The following ERBB2 variants were observed in gnomAD, a reference collection of about 807,000 sequenced individuals.
ERBB2 encodes erb-b2 receptor tyrosine kinase 2, also known as receptor tyrosine-protein kinase erbB-2.
Under a neutral mutation model 149.0 loss-of-function variants are expected in ERBB2, and 61 were observed. The observed-to-expected ratio is 0.41, with a 90% CI of 0.33 to 0.51. The LOEUF is 0.51. Ranked by LOEUF, ERBB2 falls within the 20% of genes least tolerant of loss-of-function variation. The pLI, the probability that ERBB2 is intolerant of heterozygous loss-of-function variation, is 0.25. For synonymous variants in ERBB2, 633 were observed against 678.8 expected (o/e 0.93, Z 1.05); for missense variants, 1,205 against 1,655.1 (o/e 0.73, Z 4.72).
rs562941556 is a variant in ERBB2 at position 39,718,225 on chromosome 17, C to A, written c.1898+745C>A. Among the ~76,000 whole-genome samples the A allele has an allele frequency of 9.3e-4, 142 of 152,300 alleles. No individual in the cohort carries two copies. In the Middle Eastern group the frequency reaches 0.01, roughly 11 times the overall value. ...TTCCATGTTCTAACATGGTGATCTACCTTATTCTTTTAATTTTTCTTATTT... is the reference window on the plus strand; with the variant it reads ...TTCCATGTTCTAACATGGTGATCTAACTTATTCTTTTAATTTTTCTTATTT... On this transcript the variant is annotated intron_variant, in intron 15 of 26. Transcript: ENST00000269571.
intron 5 of ERBB2, 47 bp downstream of exon 5, chr17:39,709,928 C>A: frequency 7.1e-7 from 1 of 1,413,642 alleles, no homozygotes. Context: ...GGGCTGGGGC[C>A]GGGTGGAATG....
upstream of ERBB2, among the ~76,000 whole-genome samples, chr17:39,698,600 C>T (rs2057929666): frequency 1.4e-5 from 2 of 146,830 alleles, no homozygotes; most frequent in South Asian, 4.7e-4. Context: ...TCCCAGAGGC[C>T]CCTGTTTCTC....
chr17:39,715,792 C>T lies in ERBB2; in HGVS notation c.1366C>T (p.Arg456Cys), dbSNP rs200497646. ...GCTGGGCATCAGCTGGCTGGGGCTG[C>T]GCTCACTGAGGGAACTGGGCAGTGG... ...QGLGISWLGLRSLRELGSGLA... is the reference protein window; with the variant it reads ...QGLGISWLGLCSLRELGSGLA... Residue 456 changes from arginine (R) to cysteine (C), a missense_variant, in exon 12 of 27, where the codon CGC (arginine) becomes TGC (cysteine). This residue lies in a region of ERBB2 where 569 missense variants were observed against 803.5 expected (regional missense o/e 0.71). Transcript: ENST00000269571. The T allele has an allele frequency of 2.3e-5, 37 of 1,609,346 alleles. No homozygotes were observed. Among genetic ancestry groups the T allele is most frequent in the Admixed American group, 1.5e-4 (9 of 60,012 alleles).
chr17:39,698,260 ATTTTTTTT>A (rs200013520), upstream of ERBB2, among the ~76,000 whole-genome samples: 2 of 140,276 alleles, frequency 1.4e-5, no homozygotes, highest in African/African-American at 5.2e-5. Context: ...TAGAGTCAAG[ATTTTTTTT>A]TTTTTTTTTG....
At chr17:39,712,300 C>A (rs2058854279) in intron 8 of ERBB2, 22 bp from the exon 9 acceptor site, 2 of 1,609,012 alleles carry the variant, frequency 1.2e-6, no homozygotes, top group South Asian at 2.2e-5. Context: ...GGCCCCTTCC[C>A]CACCCACCCC....
intron 7 of ERBB2, among the ~76,000 whole-genome samples, chr17:39,711,546 G>A (rs1158334959): frequency 6.6e-6 from 1 of 152,142 alleles, no homozygotes; most frequent in East Asian, 1.9e-4. Flanking sequence ...TTATGGACTG[G>A]GCTCAGACCT....
In ERBB2 at chr17:39,706,975, G is replaced by T. The variant is rs1257608692; in HGVS notation, c.74-15G>T. 6.4e-7 allele frequency: 1 copy of T among 1,556,340 alleles called. No homozygotes were observed. ...CCCGCCAGTGTCCTCTGACCCATCT[G>T]CTCTCTCCTGCCAGTGTGCACCGGC... On this transcript the variant is annotated splice_polypyrimidine_tract_variant and intron_variant, in intron 1 of 26. Coordinates refer to ENST00000269571, the MANE Select transcript of ERBB2 (RefSeq NM_004448.4).
intron 12 of ERBB2, 54 bp from the exon 13 acceptor site, chr17:39,716,247 T>C (rs1433118357): frequency 1.3e-6 from 2 of 1,510,824 alleles, no homozygotes; most frequent in Non-Finnish European, 1.8e-6. Context: ...CTGGTTCACT[T>C]GGACCTGGGG....
At chr17:39,697,142 C>T (rs1322996743), upstream of ERBB2, among the ~76,000 whole-genome samples, 1 of 152,104 alleles carries the variant, frequency 6.6e-6, no homozygotes, top group Non-Finnish European at 1.5e-5. Flanking sequence ...TTCCCCTGAT[C>T]CTCACCCTAA....
At chr17:39,716,742 G>A in intron 14 of ERBB2, 137 bp downstream of exon 14, 1 of 775,460 alleles carries the variant, frequency 1.3e-6, no homozygotes, top group Non-Finnish European at 2.1e-6. Flanking sequence ...GCTCAGACCT[G>A]AACAGCAACA....
chr17:39,695,709 A>ACT (rs1461855496), upstream of ERBB2, among the ~76,000 whole-genome samples: 3 of 86,736 alleles, frequency 3.5e-5, no homozygotes, highest in Admixed American at 1.1e-4. Context: ...ATGCATACAC[A>ACT]CACACACACA....
upstream of ERBB2, among the ~76,000 whole-genome samples, chr17:39,694,143 G>A (rs1271421785): frequency 6.9e-5 from 9 of 130,834 alleles, no homozygotes; most frequent in African/African-American, 2.0e-4. Context: ...GCAGTGAGCC[G>A]ACATCATGCC....
rs192486670 is a variant in ERBB2, at chr17:39,722,710, T to G, written c.1947-609T>G. On this transcript the variant is annotated intron_variant, in intron 16 of 26. Coordinates refer to ENST00000269571, the MANE Select transcript of ERBB2 (RefSeq NM_004448.4). Reference sequence around the variant, plus strand: ...CCCTTGGTGTTGAGGGGCATGTGTATTAACAGTCTCCTTAGTGACTTTTTT... The same window carrying G: ...CCCTTGGTGTTGAGGGGCATGTGTAGTAACAGTCTCCTTAGTGACTTTTTT... 2.9e-3 allele frequency among the ~76,000 whole-genome samples: 443 copies of G among 152,122 alleles called. 4 individuals are homozygous for G. The highest frequency in any genetic ancestry group is 4.4e-3 in the Non-Finnish European group (302 of 67,992).
rs1567897200 is a variant in ERBB2 at position 39,707,087 on chromosome 17, G to A, written c.171G>A (p.Gln57=). 1 of 1,606,060 alleles carries A rather than the reference G, an allele frequency of 6.2e-7. No individual in the cohort carries two copies. The highest frequency in any genetic ancestry group is 2.3e-5 in the East Asian group (1 of 43,874). The change falls in exon 2 of 27, where the codon CAG becomes CAA. Residue 57 remains glutamine, a synonymous_variant. Coordinates refer to ENST00000269571, the MANE Select transcript of ERBB2 (RefSeq NM_004448.4). ...TCTACCAGGGCTGCCAGGTGGTGCA[G>A]GGAAACCTGGAACTCACCTACCTGC... is the stretch of plus-strand genomic sequence containing the variant. ...RHLYQGCQVV[Q]GNLELTYLPT... is the part of the protein sequence containing the mutation.
intron 2 of ERBB2, chr17:39,707,954 G>A (rs1053829074): frequency 4.2e-5 from 8 of 191,140 alleles, no homozygotes; most frequent in Non-Finnish European, 7.5e-5. Context: ...AGCCTAGATC[G>A]TGCCATTGTA....
chr17:39,706,176 C>T (rs867422568), intron 1 of ERBB2, among the ~76,000 whole-genome samples: 1 of 152,196 alleles, frequency 6.6e-6, no homozygotes, highest in Non-Finnish European at 1.5e-5. Flanking sequence ...TGATGGCTCG[C>T]GCTGGGCAGG....
chr17:39,724,637 C>A (rs2145842249), intron 19 of ERBB2, 89 bp from the exon 20 acceptor site: 2 of 1,187,460 alleles, frequency 1.7e-6, no homozygotes, highest in Non-Finnish European at 2.5e-6. Context: ...GGCTGTGGGC[C>A]ATGGCTGTGG....
Position 39,700,124 on chromosome 17 carries a change from AC to A in ERBB2, c.-114del. On this transcript the variant is annotated 5_prime_UTR_variant, in exon 1 of 27. Coordinates refer to ENST00000269571, the MANE Select transcript of ERBB2 (RefSeq NM_004448.4). ...CCCGGGCAGCCGCGCGCCCCTTCCC[AC>A]GGGGCCCTTTACTGCGCCGCGCGCC... 7.7e-7 allele frequency: 1 copy of A among 1,296,962 alleles called. No homozygotes were observed. The highest frequency in any genetic ancestry group is 9.7e-7 in the Non-Finnish European group (1 of 1,026,914). 80.3% of individuals were successfully genotyped at this position (1,296,962 alleles called of 1,614,324 possible).
At chr17:39,708,588 C>A (rs2145450524) in intron 3 of ERBB2, 54 bp downstream of exon 3, 2 of 1,377,218 alleles carry the variant, frequency 1.5e-6, no homozygotes, top group Non-Finnish European at 1.0e-6. Flanking sequence ...CTGACCAGGG[C>A]CACTGCTAAC....
Sources: allele counts gnomAD v4.1 joint callset (sites outside exome capture counted in the v4.1 genomes callset), GRCh38; gene constraint gnomAD v4.1.1; regional missense constraint gnomAD v4.1.1; transcripts MANE v1.5; gene names NCBI Gene and HGNC (gene_info 2026-07-23, HGNC 2026-07-21).